The following NRG1 variants were observed in gnomAD, a reference collection of about 807,000 sequenced individuals.
NRG1 encodes the protein pro-neuregulin-1, membrane-bound isoform.
Under a neutral mutation model 63.8 loss-of-function variants are expected in NRG1, and 18 were observed. The observed-to-expected ratio is 0.28, with a 90% CI of 0.19 to 0.42. The LOEUF (loss-of-function observed/expected upper bound fraction) is 0.42, where lower values mean the gene tolerates loss of function less well. Among genes scored for constraint, NRG1 ranks in the 10% least tolerant of loss-of-function variants. The pLI is 1.00. For missense variants in NRG1, 762 were observed against 814.7 expected (o/e 0.94, Z 0.79); for synonymous variants, 302 against 301.3 (o/e 1.00, Z -0.02).
rs972712923 is a variant in NRG1 at position 31,857,537 on chromosome 8, G to A, written c.37+218106G>A. 6.6e-5 allele frequency among the ~76,000 whole-genome samples: 10 copies of A among 152,134 alleles called. No individual in the cohort carries two copies. In the South Asian group the frequency reaches 1.2e-3, roughly 19 times the overall value. On this transcript the variant is annotated intron_variant, in intron 1 of 10. Transcript: ENST00000519301. The stretch of plus-strand genomic sequence containing the variant: ...TGGCACTCCCTAGTGAGATGAACCC[G>A]GTACCTCAGATGGAAATGCAGAAAT...
intron 1 of NRG1, among the ~76,000 whole-genome samples, chr8:32,418,585 C>T (rs781095698): frequency 1.3e-5 from 2 of 151,762 alleles, no homozygotes; most frequent in African/African-American, 2.4e-5. Flanking sequence ...TATTGGCGTT[C>T]GTATCATATT....
intron 6 of NRG1, among the ~76,000 whole-genome samples, chr8:32,735,605 T>C (rs1641931787): frequency 6.6e-6 from 1 of 152,056 alleles, no homozygotes; most frequent in African/African-American, 2.4e-5. Context: ...AACCACAAAT[T>C]AGCAGTCGAT....
chr8:32,210,289 A>G (rs1403976214), intron 1 of NRG1, among the ~76,000 whole-genome samples: 1 of 152,188 alleles, frequency 6.6e-6, no homozygotes, highest in Non-Finnish European at 1.5e-5. Context: ...ATGTTTGAAC[A>G]CAGGAATACC....
chr8:32,753,534 C>T (rs1782073409), intron 7 of NRG1, among the ~76,000 whole-genome samples: 1 of 152,192 alleles, frequency 6.6e-6, no homozygotes, highest in African/African-American at 2.4e-5. Flanking sequence ...AATCACACAT[C>T]ATTTGTACTG....
intron 1 of NRG1, among the ~76,000 whole-genome samples, chr8:31,687,220 TA>T (rs1808992742): frequency 6.6e-6 from 1 of 151,934 alleles, no homozygotes. Flanking sequence ...AGATGCCCCT[TA>T]GGGAGGAGAA....
intron 1 of NRG1, among the ~76,000 whole-genome samples, chr8:32,427,003 A>C (rs1254236405): frequency 6.6e-6 from 1 of 150,796 alleles, no homozygotes; most frequent in African/African-American, 2.4e-5. Context: ...TTTTTTTATC[A>C]TTCCTTTGAA....
chr8:32,160,018 G>A (rs1004599499), intron 1 of NRG1, among the ~76,000 whole-genome samples: 3 of 152,154 alleles, frequency 2.0e-5, no homozygotes, highest in African/African-American at 7.2e-5. Context: ...ATAAGTATGT[G>A]AGTCTGACAT....
intron 1 of NRG1, among the ~76,000 whole-genome samples, chr8:32,016,767 T>G (rs1371848172): frequency 6.6e-6 from 1 of 152,138 alleles, no homozygotes; most frequent in Non-Finnish European, 1.5e-5. Context: ...ATTCTATGAA[T>G]AGAAAACATG....
rs564805296 is a variant in NRG1, at chr8:32,566,690, C to T, written c.100+17864C>T. Among the ~76,000 whole-genome samples, 24 of 152,176 alleles carry T rather than the reference C, an allele frequency of 1.6e-4. No individual in the cohort carries two copies. In the South Asian group the frequency reaches 2.1e-3, roughly 13 times the overall value. ...TTCATTCAGCACTTTTAATTGTTTC[C>T]AGCCAGGAGGTTCTTGTGAGAAACT... On this transcript the variant is annotated intron_variant, in intron 1 of 11. Coordinates refer to ENST00000356819, the Ensembl canonical transcript of NRG1.
chr8:31,871,973 A>C (rs1364179034), intron 1 of NRG1, among the ~76,000 whole-genome samples: 2 of 152,124 alleles, frequency 1.3e-5, no homozygotes, highest in Non-Finnish European at 2.9e-5. Flanking sequence ...TACCTAGGTT[A>C]GTATTGCCTC....
At chr8:32,308,703 G>A (rs984099185) in intron 1 of NRG1, among the ~76,000 whole-genome samples, 6 of 152,046 alleles carry the variant, frequency 3.9e-5, no homozygotes, top group Non-Finnish European at 5.9e-5. Context: ...ATGTGTCCCC[G>A]GCCTTTACAA....
chr8:32,186,922 C>G (rs1272867297), intron 1 of NRG1, among the ~76,000 whole-genome samples: 1 of 152,184 alleles, frequency 6.6e-6, no homozygotes, highest in African/African-American at 2.4e-5. Context: ...ACACACAGGT[C>G]CAAAGATGCC....
At chr8:32,516,284 T>C (rs996903042) in intron 1 of NRG1, among the ~76,000 whole-genome samples, 5 of 151,880 alleles carry the variant, frequency 3.3e-5, no homozygotes, top group African/African-American at 9.7e-5. Context: ...TTTGTATCAT[T>C]ACCATGCTGT....
intron 1 of NRG1, among the ~76,000 whole-genome samples, chr8:32,174,322 A>G (rs1230056973): frequency 6.6e-6 from 1 of 152,104 alleles, no homozygotes; most frequent in Non-Finnish European, 1.5e-5. Context: ...TCTCTGGGAC[A>G]CATTCAAAGC....
At position 31,707,175 on chromosome 8, in the gene NRG1, A is replaced by G. The variant is rs533107993; in HGVS notation, c.37+67744A>G. On this transcript the variant is annotated intron_variant, in intron 1 of 10. Coordinates refer to the NRG1 transcript ENST00000519301. Reference sequence around the variant, plus strand: ...TTTGTACTTTTGTATTATCTTTAATATCACATAAATCTCTGATTCATCTGG... The same window carrying G: ...TTTGTACTTTTGTATTATCTTTAATGTCACATAAATCTCTGATTCATCTGG... Among the ~76,000 whole-genome samples the G allele has an allele frequency of 1.8e-3, 276 of 152,226 alleles. 1 individual carries two copies. Among genetic ancestry groups the G allele is most frequent in the Non-Finnish European group, 2.8e-3 (190 of 67,976 alleles).
intron 1 of NRG1, among the ~76,000 whole-genome samples, chr8:31,754,546 C>T (rs1032319711): frequency 6.6e-6 from 1 of 152,064 alleles, no homozygotes; most frequent in African/African-American, 2.4e-5. Flanking sequence ...AATTAAATCC[C>T]CTTCCTTCAA....
At chr8:31,900,380 G>T (rs986719113) in intron 1 of NRG1, among the ~76,000 whole-genome samples, 4 of 152,180 alleles carry the variant, frequency 2.6e-5, no homozygotes, top group African/African-American at 9.7e-5. Flanking sequence ...TCAAGAGAAT[G>T]CAAGTATTAA....
chr8:32,188,239 G>A (rs930882916), intron 1 of NRG1, among the ~76,000 whole-genome samples: 2 of 152,000 alleles, frequency 1.3e-5, no homozygotes, highest in African/African-American at 4.8e-5. Context: ...GTTAATTTTT[G>A]TATTATTAGT....
chr8:32,478,450 C>T (rs1245241205), intron 1 of NRG1, among the ~76,000 whole-genome samples: 1 of 152,192 alleles, frequency 6.6e-6, no homozygotes, highest in East Asian at 1.9e-4. Context: ...CACGCCTATG[C>T]TAATGTCATG....
Sources: gnomAD v4.1 joint callset for allele counts (sites outside exome capture counted in the v4.1 genomes callset) on GRCh38, gnomAD v4.1.1 for gene constraint, MANE v1.5 for transcripts, NCBI Gene and HGNC (gene_info 2026-07-23, HGNC 2026-07-21) for gene names.